LOXL2: variants seen among roughly 807,000 people sequenced by gnomAD.
The protein encoded by LOXL2 is lysyl oxidase like 2.
Under a neutral mutation model 93.0 loss-of-function variants are expected in LOXL2, and 70 were observed. The observed-to-expected ratio is 0.75, with a 90% CI of 0.62 to 0.92. The LOEUF is 0.92. Among genes scored for constraint, LOXL2 ranks in the 40% least tolerant of loss-of-function variants. LOXL2 has a pLI of 0.00. For missense variants in LOXL2, 973 were observed against 1,054.9 expected (o/e 0.92, Z 1.08); for synonymous variants, 438 against 413.2 (o/e 1.06, Z -0.73).
rs1200425305 is a variant in LOXL2 at position 23,297,814 on chromosome 8, C to A, written c.*229G>T. On this transcript the variant is annotated 3_prime_UTR_variant, in exon 14 of 14. Coordinates refer to ENST00000389131, the MANE Select transcript of LOXL2 (RefSeq NM_002318.3). ...CTGCTCCAGCAGCTCTGTGGACAAA[C>A]CCCACCCCCGCAAGGCCTTCTCAGG... 3 of 504,662 alleles carry A rather than the reference C, an allele frequency of 5.9e-6. No individual in the cohort carries two copies. The Admixed American group carries it at 1.0e-4, about 17-fold the overall frequency. 31.3% of individuals were successfully genotyped at this position (504,662 alleles called of 1,614,324 possible). A position where few individuals can be genotyped will look rare whatever the true frequency, so the allele number is the denominator to read the frequency against.
chr8:23,383,770 C>T (rs1804715961), intron 1 of LOXL2, among the ~76,000 whole-genome samples: 1 of 150,390 alleles, frequency 6.6e-6, no homozygotes, highest in African/African-American at 2.5e-5. Flanking sequence ...ACGCCATTCT[C>T]CTGCCTCAGC....
chr8:23,304,455 T>C (rs1269274229), intron 10 of LOXL2, among the ~76,000 whole-genome samples: 2 of 152,222 alleles, frequency 1.3e-5, no homozygotes, highest in Non-Finnish European at 2.9e-5. Context: ...CACAAGTGTC[T>C]GCAACTATTC....
intron 3 of LOXL2, among the ~76,000 whole-genome samples, chr8:23,357,073 C>CTTCT (rs1804213171): frequency 6.9e-6 from 1 of 145,132 alleles, no homozygotes; most frequent in African/African-American, 2.5e-5. Context: ...TTTCAGTCTT[C>CTTCT]TTTTTTTTTT....
At chr8:23,375,342 A>G (rs549613135) in intron 1 of LOXL2, among the ~76,000 whole-genome samples, 1 of 152,208 alleles carries the variant, frequency 6.6e-6, no homozygotes, top group South Asian at 2.1e-4. Context: ...TGTTTTGGTT[A>G]CTGTAGCCTT....
rs542337778 is a variant in LOXL2 at position 23,384,910 on chromosome 8, A to G, written c.-83-16476T>C. 4.6e-5 allele frequency among the ~76,000 whole-genome samples: 7 copies of G among 152,282 alleles called. No individual in the cohort carries two copies. In the East Asian group the frequency reaches 1.4e-3, roughly 29 times the overall value. On this transcript the variant is annotated intron_variant, in intron 1 of 13. Transcript: ENST00000389131. Reference sequence around the variant, plus strand: ...GACGGAGTGAAACTCCGTCTCAAGAAAACAAACAAACAAAAAGCCTCCAGC... The same window carrying G: ...GACGGAGTGAAACTCCGTCTCAAGAGAACAAACAAACAAAAAGCCTCCAGC...
intron 1 of LOXL2, among the ~76,000 whole-genome samples, chr8:23,376,488 TG>T (rs759887195): frequency 3.9e-5 from 6 of 152,174 alleles, no homozygotes; most frequent in Non-Finnish European, 5.9e-5. Flanking sequence ...CTTTTTCTAT[TG>T]ATTGGAATAG....
At chr8:23,343,582 G>A (rs376074055) in intron 3 of LOXL2, among the ~76,000 whole-genome samples, 86 of 152,318 alleles carry the variant, frequency 5.6e-4, no homozygotes, top group African/African-American at 1.9e-3. Context: ...AGGGATTCAC[G>A]TCTCCTCGCC....
chr8:23,375,303 A>G (rs1458062570), intron 1 of LOXL2, among the ~76,000 whole-genome samples: 4 of 152,132 alleles, frequency 2.6e-5, no homozygotes, highest in Non-Finnish European at 2.9e-5. Context: ...CCACTGGTCT[A>G]TATCTCTGTT....
intron 3 of LOXL2, among the ~76,000 whole-genome samples, chr8:23,352,242 G>A (rs970168234): frequency 6.6e-6 from 1 of 152,142 alleles, no homozygotes; most frequent in Non-Finnish European, 1.5e-5. Flanking sequence ...CCTCCACCAT[G>A]GGTCCTTGTG....
chr8:23,354,645 C>T (rs754221724), intron 3 of LOXL2, among the ~76,000 whole-genome samples: 26 of 151,406 alleles, frequency 1.7e-4, no homozygotes, highest in Non-Finnish European at 2.6e-4. Context: ...ACATGGTGCG[C>T]GATGTCAATA....
At chr8:23,344,334 G>A (rs143049256) in intron 3 of LOXL2, among the ~76,000 whole-genome samples, 38 of 152,260 alleles carry the variant, frequency 2.5e-4, no homozygotes, top group African/African-American at 5.1e-4. Flanking sequence ...CACTGCATAC[G>A]TGTTTATGCA....
chr8:23,309,521 G>T, intron 10 of LOXL2, 147 bp downstream of exon 10: 1 of 978,504 alleles, frequency 1.0e-6, no homozygotes, highest in Non-Finnish European at 1.4e-6. Context: ...CAGTGTGGCA[G>T]ATGCAAGCCC....
chr8:23,324,526 G>T (rs966124559), intron 6 of LOXL2, among the ~76,000 whole-genome samples: 1 of 152,152 alleles, frequency 6.6e-6, no homozygotes, highest in Non-Finnish European at 1.5e-5. Context: ...GTGGACTTCT[G>T]GTTCCTTCTG....
intron 3 of LOXL2, among the ~76,000 whole-genome samples, chr8:23,345,624 G>A (rs1340656248): frequency 6.6e-6 from 1 of 152,194 alleles, no homozygotes; most frequent in Non-Finnish European, 1.5e-5. Flanking sequence ...TTACTTCACT[G>A]CTGTGGAATC....
chr8:23,346,494 G>C (rs1431316026), intron 3 of LOXL2, among the ~76,000 whole-genome samples: 2 of 152,212 alleles, frequency 1.3e-5, no homozygotes, highest in Non-Finnish European at 2.9e-5. Flanking sequence ...TGTCACGTCA[G>C]CCGGAGAGGA....
At chr8:23,343,076 G>A (rs1354747146) in intron 3 of LOXL2, among the ~76,000 whole-genome samples, 1 of 152,144 alleles carries the variant, frequency 6.6e-6, no homozygotes, top group African/African-American at 2.4e-5. Context: ...ATCTAACCTT[G>A]TCCCTTGACT....
At chr8:23,340,878 C>T in intron 4 of LOXL2, 114 bp downstream of exon 4, 3 of 972,986 alleles carry the variant, frequency 3.1e-6, no homozygotes, top group Non-Finnish European at 4.8e-6. Flanking sequence ...GCAGGGACAC[C>T]AGCTTGCCTG....
intron 9 of LOXL2, among the ~76,000 whole-genome samples, chr8:23,311,467 T>C (rs944998453): frequency 6.6e-6 from 1 of 152,214 alleles, no homozygotes; most frequent in Non-Finnish European, 1.5e-5. Flanking sequence ...CATGTGAGCC[T>C]CTTATTAGTT....
At chr8:23,311,385 T>C (rs1224436373) in intron 9 of LOXL2, among the ~76,000 whole-genome samples, 2 of 152,218 alleles carry the variant, frequency 1.3e-5, no homozygotes, top group African/African-American at 2.4e-5. Flanking sequence ...GTATTTCTTC[T>C]TGGAGGCTAC....
Sources: gnomAD v4.1 joint callset for allele counts (sites outside exome capture counted in the v4.1 genomes callset) on GRCh38, gnomAD v4.1.1 for gene constraint, MANE v1.5 for transcripts, NCBI Gene and HGNC (gene_info 2026-07-23, HGNC 2026-07-21) for gene names.